Variants in MICU2 observed in about 807,000 individuals in gnomAD.
MICU2 encodes the protein mitochondrial calcium uptake 2.
Under a neutral mutation model 60.4 loss-of-function variants are expected in MICU2, and 64 were observed. The ratio of observed to expected loss-of-function variants is 1.06; its 90% CI spans 0.87 to 1.31. The LOEUF is 1.31. Among genes scored for constraint, MICU2 ranks in the 50% most tolerant of loss-of-function variants. MICU2 has a pLI of 0.00. For synonymous variants in MICU2, 201 were observed against 175.0 expected, an observed-to-expected ratio of 1.15 and a Z score of -1.17; for missense variants, 569 against 531.0, an observed-to-expected ratio of 1.07 and a Z score of -0.70.
At chr13:21,516,015 TACA>T (rs1327592827) in intron 6 of MICU2, among the ~76,000 whole-genome samples, 11 of 152,254 alleles carry the variant, frequency 7.2e-5, no homozygotes, top group African/African-American at 2.2e-4. Context: ...AACAGAATTC[TACA>T]ACAAGTCACC....
intron 4 of MICU2, chr13:21,531,210 G>A (rs1454271040): frequency 4.0e-6 from 4 of 994,192 alleles, no homozygotes; most frequent in Non-Finnish European, 6.5e-6. Context: ...AGAGTTATGT[G>A]AGATCCTAGC....
At chr13:21,572,076 C>G (rs1275398190) in intron 1 of MICU2, among the ~76,000 whole-genome samples, 1 of 152,084 alleles carries the variant, frequency 6.6e-6, no homozygotes, top group African/African-American at 2.4e-5. Flanking sequence ...GTTTCAAAAC[C>G]CTGCCATATT....
rs149549167 is a variant in MICU2, at chr13:21,566,907, G to C, written c.248C>G (p.Pro83Arg). The change falls in exon 2 of 12, where the codon CCG (proline) becomes CGG (arginine). Residue 83 changes from proline to arginine, a missense_variant. Pro to Arg is a moderately radical substitution (Grantham distance 103, BLOSUM62 -2). Coordinates refer to ENST00000382374, the MANE Select transcript of MICU2 (RefSeq NM_152726.3). Reference protein sequence around the residue: ...VEHGIIYIGKPSLRKQRFMQF... With the variant: ...VEHGIIYIGKRSLRKQRFMQF... ...CATGAAGCGCTGCTTACGAAGAGAC[G>C]GTTTCCCAATATATATTATTCCATG... is the stretch of plus-strand genomic sequence containing the variant. 43 of 1,607,688 alleles carry C rather than the reference G, an allele frequency of 2.7e-5. No homozygotes were observed. Among genetic ancestry groups the C allele is most frequent in the Non-Finnish European group, 3.5e-5 (41 of 1,178,296 alleles).
chr13:21,585,641 T>C (rs142602385), intron 1 of MICU2, among the ~76,000 whole-genome samples: 17 of 152,296 alleles, frequency 1.1e-4, no homozygotes, highest in African/African-American at 3.6e-4. Flanking sequence ...TATAGCAAAT[T>C]CAAATAGATC....
chr13:21,497,705 C>G (rs1441513450), intron 9 of MICU2, among the ~76,000 whole-genome samples: 1 of 152,182 alleles, frequency 6.6e-6, no homozygotes, highest in Non-Finnish European at 1.5e-5. Flanking sequence ...AAGACCCTGT[C>G]TCAAAAACAA....
rs185458889 is a variant in MICU2, at chr13:21,501,593, G to A, written c.933+1333C>T. On this transcript the variant is annotated intron_variant, in intron 9 of 11. Coordinates refer to ENST00000382374, the MANE Select transcript of MICU2 (RefSeq NM_152726.3). ...TCTAGTTTCTTCCCAATAATTCAATGGTATTTTTATTGAAACCCACGAGTA... is the reference window on the plus strand; with the variant it reads ...TCTAGTTTCTTCCCAATAATTCAATAGTATTTTTATTGAAACCCACGAGTA... Among the ~76,000 whole-genome samples the A allele has an allele frequency of 4.6e-5, 7 of 152,232 alleles. No individual in the cohort carries two copies. In the East Asian group the frequency reaches 1.2e-3, roughly 25 times the overall value.
In MICU2 at chr13:21,503,069, G is replaced by C. The variant is rs1285236865; in HGVS notation, c.790C>G (p.Gln264Glu). The C allele has an allele frequency of 3.8e-6, 6 of 1,598,674 alleles. No individual in the cohort carries two copies. Among genetic ancestry groups the C allele is most frequent in the Non-Finnish European group, 5.1e-6 (6 of 1,175,174 alleles). Residue 264 changes from glutamine to glutamate, a missense_variant, in exon 9 of 12, where the codon CAA becomes GAA. Gln to Glu is a conservative substitution (Grantham distance 29). Transcript: ENST00000382374. ...RFMENLQTEI[Q>E]EMEFLQFSKG... Reference sequence around the variant, plus strand: ...GAAAACTGAAGGAATTCCATTTCTTGAATCTCTGTTTGTAAATTTTCCATA... The same window carrying C: ...GAAAACTGAAGGAATTCCATTTCTTCAATCTCTGTTTGTAAATTTTCCATA...
chr13:21,578,204 T>G lies in MICU2; in HGVS notation c.211-11260A>C, dbSNP rs1888270079. 2.0e-5 allele frequency among the ~76,000 whole-genome samples: 3 copies of G among 152,200 alleles called. No homozygotes were observed. In the South Asian group the frequency reaches 6.2e-4, roughly 31 times the overall value. Reference sequence around the variant, plus strand: ...TAGAAAGTATCTTTTTTATTCTGTATCCCCAGTGCCTAGTGCATGGCTAAC... The same window carrying G: ...TAGAAAGTATCTTTTTTATTCTGTAGCCCCAGTGCCTAGTGCATGGCTAAC... On this transcript the variant is annotated intron_variant, in intron 1 of 11. Coordinates refer to ENST00000382374, the MANE Select transcript of MICU2 (RefSeq NM_152726.3).
chr13:21,558,667 T>C (rs546777097), intron 2 of MICU2, among the ~76,000 whole-genome samples: 2 of 152,090 alleles, frequency 1.3e-5, no homozygotes, highest in Admixed American at 1.3e-4. Flanking sequence ...GGTTCTGGGG[T>C]TGGGAGTGGG....
At chr13:21,539,079 C>T (rs1887209745) in intron 4 of MICU2, among the ~76,000 whole-genome samples, 1 of 152,088 alleles carries the variant, frequency 6.6e-6, no homozygotes, top group Non-Finnish European at 1.5e-5. Flanking sequence ...GGCTTCTCAT[C>T]TTTTATTTTA....
chr13:21,507,792 C>T (rs560937965), intron 8 of MICU2, among the ~76,000 whole-genome samples: 2 of 151,544 alleles, frequency 1.3e-5, no homozygotes, highest in East Asian at 2.0e-4. Context: ...TTAGTAGAGA[C>T]GGGGTTTCAC....
chr13:21,499,729 A>C (rs1566138174), intron 9 of MICU2, among the ~76,000 whole-genome samples: 1 of 151,794 alleles, frequency 6.6e-6, no homozygotes, highest in East Asian at 2.0e-4. Context: ...GTTTCTGTAC[A>C]TCTATCAGAG....
chr13:21,498,532 C>G (rs1886061225), intron 9 of MICU2, among the ~76,000 whole-genome samples: 1 of 152,110 alleles, frequency 6.6e-6, no homozygotes, highest in South Asian at 2.1e-4. Context: ...GCACCCACCA[C>G]CACGTCCGGC....
chr13:21,494,276 TTC>T (rs1382971115), intron 11 of MICU2, among the ~76,000 whole-genome samples: 2 of 151,950 alleles, frequency 1.3e-5, no homozygotes, highest in Non-Finnish European at 2.9e-5. Flanking sequence ...TAGTACCATA[TTC>T]TCTCTCTCTC....
intron 2 of MICU2, among the ~76,000 whole-genome samples, chr13:21,541,285 G>GAGTAA: frequency 6.6e-6 from 1 of 152,006 alleles, no homozygotes; most frequent in East Asian, 1.9e-4. Flanking sequence ...GAAACTGAGT[G>GAGTAA]AGTAAAGAAG....
intron 6 of MICU2, among the ~76,000 whole-genome samples, chr13:21,516,327 T>C (rs1260941788): frequency 6.6e-6 from 1 of 152,234 alleles, no homozygotes; most frequent in Admixed American, 6.5e-5. Flanking sequence ...CTAGTATGTA[T>C]TCTTTTGTGT....
chr13:21,553,317 G>A lies in MICU2; in HGVS notation c.358+13480C>T, dbSNP rs1005179523. 1.2e-4 allele frequency among the ~76,000 whole-genome samples: 19 copies of A among 152,268 alleles called. No homozygotes were observed. The East Asian group carries it at 1.7e-3, about 14-fold the overall frequency. ...TGCTCAAGTTGCTTATCAGCTTAAG[G>A]AGATTTTGGGCTGAGACGATGGGGT... On this transcript the variant is annotated intron_variant, in intron 2 of 11. Coordinates refer to ENST00000382374, the MANE Select transcript of MICU2 (RefSeq NM_152726.3).
intron 1 of MICU2, among the ~76,000 whole-genome samples, chr13:21,596,100 C>T (rs1453335485): frequency 6.6e-6 from 1 of 152,160 alleles, no homozygotes; most frequent in Non-Finnish European, 1.5e-5. Flanking sequence ...AATGGAGGTA[C>T]TTGCAATGGA....
At chr13:21,583,281 C>T (rs1214099079) in intron 1 of MICU2, among the ~76,000 whole-genome samples, 1 of 152,028 alleles carries the variant, frequency 6.6e-6, no homozygotes, top group African/African-American at 2.4e-5. Flanking sequence ...AAAAAAGTTG[C>T]AGTATTAAAT....
Sources: gnomAD v4.1 joint callset for allele counts (sites outside exome capture counted in the v4.1 genomes callset) on GRCh38, gnomAD v4.1.1 for gene constraint, MANE v1.5 for transcripts, NCBI Gene and HGNC (gene_info 2026-07-23, HGNC 2026-07-21) for gene names.